The following C8A variants were observed in gnomAD, a reference collection of about 807,000 sequenced individuals.
C8A encodes complement component C8 alpha chain.
C8A carries 67 observed loss-of-function variants against 65.3 expected under a neutral mutation model. That is an observed-to-expected ratio of 1.03 (90% CI 0.84 to 1.26). The LOEUF is 1.26. Among genes scored for constraint, C8A ranks in the 50% most tolerant of loss-of-function variants. The pLI, the probability that C8A is intolerant of heterozygous loss-of-function variation, is 0.00. For synonymous variants in C8A, 290 were observed against 259.4 expected (o/e 1.12, Z -1.13); for missense variants, 781 against 723.9 (o/e 1.08, Z -0.90).
At chr1:56,900,778 G>A (rs931916938) in intron 7 of C8A, among the ~76,000 whole-genome samples, 1 of 152,178 alleles carries the variant, frequency 6.6e-6, no homozygotes. Flanking sequence ...CCCTCCTGGG[G>A]GGCTTGGCAC....
At chr1:56,910,320 C>A (rs1210842999) in intron 9 of C8A, among the ~76,000 whole-genome samples, 1 of 152,222 alleles carries the variant, frequency 6.6e-6, no homozygotes, top group South Asian at 2.1e-4. Flanking sequence ...ATCATTTGAC[C>A]TCTGAGTCTT....
At chr1:56,910,390 C>A (rs1644496338) in intron 9 of C8A, among the ~76,000 whole-genome samples, 1 of 152,214 alleles carries the variant, frequency 6.6e-6, no homozygotes, top group South Asian at 2.1e-4. Context: ...GCTCTAACGT[C>A]CCAAGATCCC....
intron 5 of C8A, among the ~76,000 whole-genome samples, chr1:56,882,650 C>T (rs6588656): frequency 0.12 from 17,512 of 152,112 alleles, 1,114 homozygotes; most frequent in Non-Finnish European, 0.15. Flanking sequence ...GCTCCCCCAA[C>T]CCCACTCCAA....
At chr1:56,865,315 G>A (rs568320346) in intron 1 of C8A, among the ~76,000 whole-genome samples, 2 of 152,302 alleles carry the variant, frequency 1.3e-5, no homozygotes, top group South Asian at 4.2e-4. Context: ...TCTGGAGACT[G>A]GGAAGTCCAA....
chr1:56,893,981 C>A (rs987401386), intron 7 of C8A, among the ~76,000 whole-genome samples: 34 of 152,122 alleles, frequency 2.2e-4, no homozygotes, highest in African/African-American at 8.0e-4. Context: ...GTGAAACAAT[C>A]TTTGTGAGCA....
intron 7 of C8A, among the ~76,000 whole-genome samples, chr1:56,898,320 G>A (rs775650380): frequency 6.6e-6 from 1 of 152,036 alleles, no homozygotes; most frequent in Non-Finnish European, 1.5e-5. Flanking sequence ...ATCATGCAAG[G>A]TGAACACTGA....
rs1644565119 is a variant in C8A at position 56,917,718 on chromosome 1, G to A, written c.*2G>A. 1.2e-6 allele frequency: 2 copies of A among 1,613,960 alleles called. No individual in the cohort carries two copies. Among genetic ancestry groups the A allele is most frequent in the Non-Finnish European group, 1.7e-6 (2 of 1,180,022 alleles). ...AAAGTACAGACGCAGGCTTGCTGAG[G>A]GCCTCTGGACACAGGCTGGACCAGA... On this transcript the variant is annotated 3_prime_UTR_variant, in exon 11 of 11. Coordinates refer to ENST00000361249, the MANE Select transcript of C8A (RefSeq NM_000562.3).
In C8A at chr1:56,917,492, GT is replaced by G. The variant is rs1644561802; in HGVS notation, c.1604-71del. The G allele has an allele frequency of 2.6e-6, 4 of 1,540,870 alleles. No individual in the cohort carries two copies. In the South Asian group the frequency reaches 4.5e-5, roughly 17 times the overall value. On this transcript the variant is annotated intron_variant, in intron 10 of 10. Transcript: ENST00000361249. ...CCAAGGGTGCCACACACCCCTCCCT[GT>G]TCATCACCAGACAGGCCCTTCCTTC...
intron 4 of C8A, among the ~76,000 whole-genome samples, chr1:56,879,647 AT>A (rs1644231315): frequency 6.6e-6 from 1 of 152,170 alleles, no homozygotes; most frequent in South Asian, 2.1e-4. Flanking sequence ...AAGTTATTTA[AT>A]TTTTCTGAAC....
chr1:56,899,227 A>G (rs961290719), intron 7 of C8A, among the ~76,000 whole-genome samples: 3 of 151,964 alleles, frequency 2.0e-5, no homozygotes, highest in African/African-American at 7.3e-5. Context: ...TTGAATTTCC[A>G]CCTCTAATAT....
At chr1:56,903,511 CTAA>C (rs1644442014) in intron 7 of C8A, among the ~76,000 whole-genome samples, 1 of 152,198 alleles carries the variant, frequency 6.6e-6, no homozygotes, top group Non-Finnish European at 1.5e-5. Flanking sequence ...TGAGAATGGA[CTAA>C]TACACTTGGT....
chr1:56,859,964 G>C (rs1467443080), intron 1 of C8A, among the ~76,000 whole-genome samples: 1 of 152,332 alleles, frequency 6.6e-6, no homozygotes, highest in East Asian at 1.9e-4. Flanking sequence ...TCGGGAGACT[G>C]AGGCACGAGA....
At chr1:56,893,630 G>A (rs796593885) in intron 7 of C8A, among the ~76,000 whole-genome samples, 77 of 152,242 alleles carry the variant, frequency 5.1e-4, no homozygotes, top group African/African-American at 1.8e-3. Flanking sequence ...TTGGAAACAT[G>A]GACCCTGCCA....
intron 9 of C8A, among the ~76,000 whole-genome samples, chr1:56,908,441 A>G (rs1323536888): frequency 6.6e-6 from 1 of 152,248 alleles, no homozygotes; most frequent in Non-Finnish European, 1.5e-5. Flanking sequence ...CATGGGCTAA[A>G]TTAGGGGGTG....
chr1:56,875,020 A>G lies in C8A; in HGVS notation c.243A>G (p.Gln81=). The G allele has an allele frequency of 1.9e-6, 3 of 1,613,814 alleles. No homozygotes were observed. The South Asian group carries it at 3.3e-5, about 18-fold the overall frequency. ...GTICSGDIWD[Q]ASCSSSTTCV... ...TCTGCAGTGGTGACATCTGGGATCA[A>G]GCCAGCTGCTCCAGTTCTACAACTT... The change falls in exon 3 of 11, where the codon CAA becomes CAG. Residue 81 remains glutamine, a synonymous_variant. Coordinates refer to ENST00000361249, the MANE Select transcript of C8A (RefSeq NM_000562.3).
rs745718124 is a variant in C8A at position 56,881,523 on chromosome 1, C to T, written c.543C>T (p.Tyr181=). Residue 181 remains tyrosine (Y), a synonymous_variant, in exon 5 of 11, where the codon TAC becomes TAT. Transcript: ENST00000361249. The part of the protein sequence containing the change: ...SYYGGQCETV[Y]NGEWRELRYD... ...ATGGGGGCCAGTGTGAGACGGTATA[C>T]AATGGGGAATGGAGGGAGCTTCGAT... The T allele has an allele frequency of 8.7e-6, 14 of 1,613,706 alleles. No individual in the cohort carries two copies. The East Asian group carries it at 1.3e-4, about 15-fold the overall frequency.
At chr1:56,868,143 C>A (rs976029986) in intron 2 of C8A, among the ~76,000 whole-genome samples, 2 of 151,810 alleles carry the variant, frequency 1.3e-5, no homozygotes, top group Non-Finnish European at 2.9e-5. Flanking sequence ...CCAACACACC[C>A]AATGAAGAGA....
intron 7 of C8A, among the ~76,000 whole-genome samples, chr1:56,900,086 G>T (rs1644415361): frequency 6.6e-6 from 1 of 152,168 alleles, no homozygotes; most frequent in South Asian, 2.1e-4. Context: ...AGTCAACATT[G>T]CCTCCTTCTT....
At chr1:56,878,048 TC>T (rs1644215061) in intron 4 of C8A, among the ~76,000 whole-genome samples, 1 of 152,174 alleles carries the variant, frequency 6.6e-6, no homozygotes, top group African/African-American at 2.4e-5. Flanking sequence ...AAGTCTGAAG[TC>T]AGGGTGTCAG....
Sources: allele counts gnomAD v4.1 joint callset (sites outside exome capture counted in the v4.1 genomes callset), GRCh38; gene constraint gnomAD v4.1.1; transcripts MANE v1.5; gene names NCBI Gene and HGNC (gene_info 2026-07-23, HGNC 2026-07-21).